The following PUDP variants were observed in gnomAD, a reference collection of about 807,000 sequenced individuals.
The protein encoded by PUDP is pseudouridine-5'-phosphatase.
A neutral mutation model predicts 9.4 loss-of-function variants in PUDP; 8 were observed. The ratio of observed to expected loss-of-function variants is 0.85; its 90% CI spans 0.50 to 1.53. The LOEUF (loss-of-function observed/expected upper bound fraction) is 1.53. Ranked by LOEUF, PUDP falls within the 40% of genes most tolerant of loss-of-function variation. PUDP has a pLI of 0.00. For synonymous variants in PUDP, 99 were observed against 80.7 expected, an observed-to-expected ratio of 1.23 and a Z score of -1.22; for missense variants, 188 against 189.7, an observed-to-expected ratio of 0.99 and a Z score of 0.05.
At chrX:6,965,882 C>T (rs1175523337) in intron 3 of PUDP, among the ~76,000 whole-genome samples, 1 of 111,707 alleles carries the variant, frequency 9.0e-6, no homozygotes, top group Non-Finnish European at 1.9e-5. Context: ...TAAGATGTTG[C>T]AACCAGTTCA....
chrX:6,764,033 T>G (rs1925256715), intron 3 of PUDP, among the ~76,000 whole-genome samples: 1 of 112,166 alleles, frequency 8.9e-6, no homozygotes, highest in Admixed American at 9.5e-5. Context: ...TATCTATTTT[T>G]CTCACTCATC....
chrX:6,781,661 G>A (rs1475762156), intron 3 of PUDP, among the ~76,000 whole-genome samples: 1 of 112,214 alleles, frequency 8.9e-6, no homozygotes. Flanking sequence ...GCTTTAATGA[G>A]CCTAAGTAAA....
chrX:7,147,084 C>A (rs1310529633), intron 1 of PUDP, among the ~76,000 whole-genome samples: 1 of 111,048 alleles, frequency 9.0e-6, no homozygotes, highest in Non-Finnish European at 1.9e-5. Flanking sequence ...TCTTTGAATT[C>A]TACTTGAATT....
chrX:6,758,529 AACAG>A (rs1288019351), intron 3 of PUDP, among the ~76,000 whole-genome samples: 1 of 111,963 alleles, frequency 8.9e-6, no homozygotes, highest in Non-Finnish European at 1.9e-5. Context: ...TAGCCGCCAG[AACAG>A]ACATTTTGCA....
chrX:7,142,390 T>C (rs956016216), intron 1 of PUDP, among the ~76,000 whole-genome samples: 17 of 112,073 alleles, frequency 1.5e-4, no homozygotes, highest in Non-Finnish European at 2.1e-4. Flanking sequence ...CAGAATGTGA[T>C]GGAAATACCA....
chrX:7,083,476 AAAAT>A (rs1393214410), intron 2 of PUDP, among the ~76,000 whole-genome samples: 2 of 111,948 alleles, frequency 1.8e-5, no homozygotes, highest in Non-Finnish European at 3.8e-5. Flanking sequence ...TATGAGGATT[AAAAT>A]AAATCAGGAG....
At chrX:6,759,398 C>T (rs1365665122) in intron 3 of PUDP, among the ~76,000 whole-genome samples, 1 of 112,356 alleles carries the variant, frequency 8.9e-6, no homozygotes, top group Non-Finnish European at 1.9e-5. Context: ...AAGCTTCTTA[C>T]AGCTGGTTCT....
At chrX:6,932,938 G>A (rs1928222138) in intron 3 of PUDP, among the ~76,000 whole-genome samples, 1 of 110,408 alleles carries the variant, frequency 9.1e-6, no homozygotes, top group African/African-American at 3.3e-5. Context: ...CCATTGCCCA[G>A]GCTTGCTTAG....
chrX:6,834,099 A>C (rs1377614210), intron 3 of PUDP, among the ~76,000 whole-genome samples: 1 of 111,831 alleles, frequency 8.9e-6, no homozygotes, highest in Non-Finnish European at 1.9e-5. Context: ...ACAGAGAGTT[A>C]GACCGTGAAC....
chrX:7,010,497 A>T (rs148573213), intron 1 of PUDP, among the ~76,000 whole-genome samples: 39 of 112,097 alleles, frequency 3.5e-4, no homozygotes, highest in Non-Finnish European at 6.8e-4. Context: ...CTGGTCTGTC[A>T]GCAGATGTGC....
chrX:6,719,231 G>A (rs989768276), intron 1 of PUDP, among the ~76,000 whole-genome samples: 2 of 111,788 alleles, frequency 1.8e-5, no homozygotes, highest in Admixed American at 1.9e-4. Context: ...GCTTGTAGAC[G>A]CTGTCTTCTC....
chrX:7,023,571 T>G (rs1357582970), intron 1 of PUDP, among the ~76,000 whole-genome samples: 1 of 112,284 alleles, frequency 8.9e-6, no homozygotes, highest in African/African-American at 3.2e-5. Flanking sequence ...TTCATTTTTT[T>G]TGCATATGAA....
At chrX:7,015,722 C>A (rs1929537827) in intron 1 of PUDP, among the ~76,000 whole-genome samples, 1 of 110,875 alleles carries the variant, frequency 9.0e-6, no homozygotes, top group South Asian at 4.0e-4. Flanking sequence ...ACTACAGGTG[C>A]ATGCCAACAT....
In PUDP at chrX:6,857,433, T is replaced by A. The variant is rs192518840; in HGVS notation, c.*247+119700A>T. Among the ~76,000 whole-genome samples the A allele has an allele frequency of 1.1e-4, 12 of 112,447 alleles. No individual in the cohort carries two copies. In the East Asian group the frequency reaches 2.8e-3, roughly 26 times the overall value. Reference sequence around the variant, plus strand: ...TATGTTTCAAATTATGGGAATTTTTTAAAATTATTATGATGATTTTGAGAC... The same window carrying A: ...TATGTTTCAAATTATGGGAATTTTTAAAAATTATTATGATGATTTTGAGAC... On this transcript the variant is annotated intron_variant and NMD_transcript_variant, in intron 3 of 3. Coordinates refer to the PUDP transcript ENST00000655425.
chrX:6,835,947 G>C (rs901967275), intron 3 of PUDP, among the ~76,000 whole-genome samples: 1 of 109,407 alleles, frequency 9.1e-6, no homozygotes, highest in Non-Finnish European at 1.9e-5. Flanking sequence ...TAGAACTCCT[G>C]ATCTTAAGTG....
At chrX:7,073,568 G>A (rs1280973201) in intron 3 of PUDP, among the ~76,000 whole-genome samples, 1 of 112,817 alleles carries the variant, frequency 8.9e-6, no homozygotes, top group Non-Finnish European at 1.9e-5. Context: ...CAGCAGCAGG[G>A]CCTGACTGAA....
At chrX:6,922,145 A>G (rs1419962290) in intron 3 of PUDP, among the ~76,000 whole-genome samples, 3 of 111,250 alleles carry the variant, frequency 2.7e-5, no homozygotes, top group Non-Finnish European at 5.7e-5. Context: ...GGGATGGTTA[A>G]TAGCTACAAA....
At chrX:6,708,969 G>A (rs980022439) in intron 1 of PUDP, among the ~76,000 whole-genome samples, 2 of 112,083 alleles carry the variant, frequency 1.8e-5, no homozygotes, top group African/African-American at 3.2e-5. Context: ...TGTGCTCACA[G>A]GTATATATAT....
intron 3 of PUDP, among the ~76,000 whole-genome samples, chrX:6,751,893 GCATCACCTGTGCTTCTTATAACCCCTCT>G (rs938028986): frequency 9.0e-6 from 1 of 110,924 alleles, no homozygotes; most frequent in Non-Finnish European, 1.9e-5. Context: ...TTATGAGGCA[GCATCACCTGTGCTTCTTATAACCCCTCT>G]CTGTCCTGAA....
Sources: allele counts gnomAD v4.1 joint callset (sites outside exome capture counted in the v4.1 genomes callset), GRCh38; gene constraint gnomAD v4.1.1; transcripts MANE v1.5; gene names NCBI Gene and HGNC (gene_info 2026-07-23, HGNC 2026-07-21).